Variants in CAD observed in about 807,000 individuals in gnomAD.
CAD encodes multifunctional protein CAD.
In CAD, 81 loss-of-function variants were observed where a neutral mutation model predicts 237.2. The ratio of observed to expected loss-of-function variants is 0.34; its 90% CI spans 0.29 to 0.41. The LOEUF is 0.41. Ranked by LOEUF, CAD falls within the 10% of genes least tolerant of loss-of-function variation. CAD has a pLI of 1.00. For synonymous variants in CAD, 1,196 were observed against 1,162.8 expected (o/e 1.03, Z -0.58); for missense variants, 2,181 against 2,951.7 (o/e 0.74, Z 6.05).
In CAD at chr2:27,243,888, C is replaced by T. The variant is rs1249006833; in HGVS notation, c.*370C>T. On this transcript the variant is annotated 3_prime_UTR_variant, in exon 44 of 44. Transcript: ENST00000264705. ...CAGGGCTCTGGCTAGGGCTGCGTGC[C>T]CACACTCGGCATTTTCACACTCGTG... 1.9e-5 allele frequency: 4 copies of T among 211,362 alleles called. No homozygotes were observed. Among genetic ancestry groups the T allele is most frequent in the African/African-American group, 9.2e-5 (4 of 43,280 alleles). The allele number at this position is 211,362 out of a possible 1,614,324, so 13.1% of individuals were successfully genotyped here.
Position 27,226,316 on chromosome 2 carries a change from G to A in CAD, c.2028G>A (p.Glu676=). ...NVQYALNPES[E]QYYIIEVNAR... is the part of the protein sequence containing the mutation. ...AGTATGCCTTGAACCCTGAGTCTGA[G>A]CAGGTAAGCTCTAGGCCCTGGAACT... Residue 676 remains glutamate, a synonymous_variant, in exon 13 of 44, where the codon GAG becomes GAA. Transcript: ENST00000264705. 6.2e-7 allele frequency: 1 copy of A among 1,614,026 alleles called. No individual in the cohort carries two copies. Among genetic ancestry groups the A allele is most frequent in the Admixed American group, 1.7e-5 (1 of 60,024 alleles).
At position 27,226,654 on chromosome 2, in the gene CAD, G is replaced by A. The variant is rs769966773; in HGVS notation, c.2156+5G>A. 1.7e-5 allele frequency: 27 copies of A among 1,613,834 alleles called. No individual in the cohort carries two copies. Among genetic ancestry groups the A allele is most frequent in the Admixed American group, 3.3e-5 (2 of 59,994 alleles). On this transcript the variant is annotated splice_donor_5th_base_variant and intron_variant, in intron 14 of 43. Transcript: ENST00000264705. ...CATCCCTTTGCCTGAGCTCAGGTAC[G>A]AGGATGAGGGAGATATCACAGTGGG...
rs750121186 is a variant in CAD at position 27,242,504 on chromosome 2, C to T, written c.6222+77C>T. 8.9e-6 allele frequency: 14 copies of T among 1,576,674 alleles called. No homozygotes were observed. Among genetic ancestry groups the T allele is most frequent in the East Asian group, 2.3e-5 (1 of 44,404 alleles). The stretch of plus-strand genomic sequence containing the variant: ...GAGGCAGGAAGTGGTTACCCCGGTA[C>T]AGGACAGCTGCATCAAGGAGGCCTT... On this transcript the variant is annotated intron_variant, in intron 40 of 43. Coordinates refer to ENST00000264705, the MANE Select transcript of CAD (RefSeq NM_004341.5). This position sits in a 1 kb window ranked among gnomAD's most constrained non-coding sequence, Gnocchi z 6.4.
In CAD at chr2:27,223,482, G is replaced by C. The variant is rs959976262; in HGVS notation, c.810-81G>C. ...ACAGGAGTGAGGCTACTGAGAACAG[G>C]AGATCGGTGAGAGCTGGGGTAGGTT... On this transcript the variant is annotated intron_variant, in intron 6 of 43. Transcript: ENST00000264705. 37 of 1,238,656 alleles carry C rather than the reference G, an allele frequency of 3.0e-5. 1 individual carries two copies. In the Admixed American group the frequency reaches 5.5e-4, roughly 18 times the overall value. 76.7% of individuals were successfully genotyped at this position (1,238,656 alleles called of 1,614,324 possible). A position where few individuals can be genotyped will look rare whatever the true frequency, so the allele number is the denominator to read the frequency against.
Position 27,237,537 on chromosome 2 carries a change from G to A in CAD, c.4555G>A (p.Ala1519Thr). Reference sequence around the variant, plus strand: ...CATTGACGCCCCTGCTCTGGCCCTGGCCCAGAAGGTGAGCCACTGCACTCT... The same window carrying A: ...CATTGACGCCCCTGCTCTGGCCCTGACCCAGAAGGTGAGCCACTGCACTCT... ...PIIDAPALAL[A>T]QKLAEAGARC... Residue 1519 changes from alanine (A) to threonine (T), a missense_variant, in exon 28 of 44, where the codon GCC (alanine) becomes ACC (threonine). Coordinates refer to ENST00000264705, the MANE Select transcript of CAD (RefSeq NM_004341.5). This position sits in a 1 kb window ranked among gnomAD's most constrained non-coding sequence, Gnocchi z 4.0. The A allele has an allele frequency of 5.0e-6, 8 of 1,612,830 alleles. No homozygotes were observed. Among genetic ancestry groups the A allele is most frequent in the Non-Finnish European group, 6.8e-6 (8 of 1,179,466 alleles).
rs760424499 is a variant in CAD at position 27,231,966 on chromosome 2, C to G, written c.2401-14C>G. On this transcript the variant is annotated splice_polypyrimidine_tract_variant and intron_variant, in intron 16 of 43. Transcript: ENST00000264705. The stretch of plus-strand genomic sequence containing the variant: ...CTGGCAGTAGCTTCCGTCTGTCTAC[C>G]CCCTTTCTATCAGGAGTTGGAGACT... 4 of 1,613,950 alleles carry G rather than the reference C, an allele frequency of 2.5e-6. No individual in the cohort carries two copies. The highest frequency in any genetic ancestry group is 1.1e-5 in the South Asian group (1 of 91,052).
chr2:27,228,020 A>T (rs990361173), intron 15 of CAD, among the ~76,000 whole-genome samples: 5 of 152,276 alleles, frequency 3.3e-5, no homozygotes, highest in Non-Finnish European at 7.3e-5. Flanking sequence ...AAAGTCTTAC[A>T]ACCACAGTTA....
chr2:27,223,655 C>T lies in CAD; in HGVS notation c.902C>T (p.Thr301Ile). 6.2e-7 allele frequency: 1 copy of T among 1,614,146 alleles called. No individual in the cohort carries two copies. The highest frequency in any genetic ancestry group is 1.3e-5 in the African/African-American group (1 of 75,044). Residue 301 changes from threonine (T) to isoleucine (I), a missense_variant, in exon 7 of 44, where the codon ACA (threonine) becomes ATA (isoleucine). Thr to Ile is a moderately conservative substitution (Grantham distance 89, BLOSUM62 -1). Coordinates refer to ENST00000264705, the MANE Select transcript of CAD (RefSeq NM_004341.5). ...TSQNHGFAVE[T>I]DSLPADWAPL... ...CAGAACCATGGGTTTGCTGTGGAGACAGACTCACTGCCAGCAGACTGGGCT... is the reference window on the plus strand; with the variant it reads ...CAGAACCATGGGTTTGCTGTGGAGATAGACTCACTGCCAGCAGACTGGGCT...
rs542528785 is a variant in CAD at position 27,227,725 on chromosome 2, A to G, written c.2287+763A>G. On this transcript the variant is annotated intron_variant, in intron 15 of 43. Transcript: ENST00000264705. ...TGAAAGATTGGTTCCTAGATGAGAC[A>G]TTTAATTGTTTTACATCTGTTCAAG... is the stretch of plus-strand genomic sequence containing the variant. Among the ~76,000 whole-genome samples the G allele has an allele frequency of 2.0e-5, 3 of 152,354 alleles. No homozygotes were observed. In the East Asian group the frequency reaches 5.8e-4, roughly 29 times the overall value.
At chr2:27,226,767 A>G in intron 14 of CAD, 65 bp from the exon 15 acceptor site, 1 of 1,604,836 alleles carries the variant, frequency 6.2e-7, no homozygotes, top group Non-Finnish European at 8.5e-7. Flanking sequence ...GGAAAGAGCT[A>G]TCCGGAAGCT....
intron 2 of CAD, 78 bp downstream of exon 2, chr2:27,218,094 A>C (rs1400674695): frequency 3.8e-6 from 5 of 1,323,728 alleles, no homozygotes; most frequent in Non-Finnish European, 5.2e-6. Context: ...GGAGACGTTG[A>C]CACCCTGCTG....
chr2:27,238,007 C>G (rs749423132), intron 29 of CAD, 49 bp from the exon 30 acceptor site: 1 of 1,605,772 alleles, frequency 6.2e-7, no homozygotes, highest in South Asian at 1.1e-5. Flanking sequence ...CTCTGATGAG[C>G]ACAGTCAGAG....
intron 22 of CAD, 131 bp downstream of exon 22, chr2:27,234,357 G>GT: frequency 8.8e-7 from 1 of 1,133,852 alleles, no homozygotes; most frequent in African/African-American, 1.5e-5. Context: ...GGAAAGGGCT[G>GT]TAGCTAGAGC....
intron 31 of CAD, among the ~76,000 whole-genome samples, 172 bp downstream of exon 31, chr2:27,238,804 G>C (rs557444838): frequency 2.7e-4 from 41 of 152,198 alleles, no homozygotes; most frequent in Non-Finnish European, 5.0e-4. Context: ...ATAAATACTT[G>C]TTGAAAGAAT....
At position 27,233,620 on chromosome 2, in the gene CAD, C is replaced by A; in HGVS notation, c.3217-6C>A. 1 of 1,614,124 alleles carries A rather than the reference C, an allele frequency of 6.2e-7. No individual in the cohort carries two copies. Among genetic ancestry groups the A allele is most frequent in the South Asian group, 1.1e-5 (1 of 91,082 alleles). ...ACAACTCAGCTAAGCTCCCTGCCTC[C>A]TGTAGTCTGCTCGCCAATTCTGCCA... On this transcript the variant is annotated splice_polypyrimidine_tract_variant and splice_region_variant and intron_variant, in intron 20 of 43. Transcript: ENST00000264705. This position sits in a 1 kb window ranked among gnomAD's most constrained non-coding sequence, Gnocchi z 6.3.
At position 27,232,578 on chromosome 2, in the gene CAD, C is replaced by T; in HGVS notation, c.2776C>T (p.His926Tyr). 1 of 1,614,230 alleles carries T rather than the reference C, an allele frequency of 6.2e-7. No individual in the cohort carries two copies. Among genetic ancestry groups the T allele is most frequent in the Non-Finnish European group, 8.5e-7 (1 of 1,180,040 alleles). ...ATACCTAACGTATTGGGGCACCACC[C>T]ATGACCTCACCTTTCGAACACCTCA... ...YLYLTYWGTT[H>Y]DLTFRTPHVL... Residue 926 changes from histidine to tyrosine, a missense_variant, in exon 18 of 44, where the codon CAT (histidine) becomes TAT (tyrosine). By Grantham distance (83) the His-to-Tyr change is moderately conservative. Around this residue, in one of 12 missense-constraint regions of CAD, gnomAD observed 385 missense variants for 535.1 expected, o/e 0.72. Coordinates refer to ENST00000264705, the MANE Select transcript of CAD (RefSeq NM_004341.5). The surrounding 1 kb of genome is among the most constrained non-coding windows in gnomAD (Gnocchi z 4.1).
chr2:27,227,093 T>TA, intron 15 of CAD, 131 bp downstream of exon 15: 1 of 761,384 alleles, frequency 1.3e-6, no homozygotes. Context: ...ACTAAGATTA[T>TA]AGTCCTTGTC....
intron 2 of CAD, 90 bp from the exon 3 acceptor site, chr2:27,221,128 T>C: frequency 8.6e-7 from 1 of 1,162,760 alleles, no homozygotes; most frequent in Non-Finnish European, 1.2e-6. Context: ...TCAATGTGGC[T>C]GAATATAGGG....
In CAD at chr2:27,236,750, C is replaced by T; in HGVS notation, c.4316C>T (p.Ala1439Val). ...DIKCTKLFVE[A>V]LGQIGPAPPL... ...AAGCTGACTGCTTTCCACTTGCAGG[C>T]CCTAGGCCAGATCGGGCCAGCCCCT... is the stretch of plus-strand genomic sequence containing the variant. Residue 1439 changes from alanine to valine, a missense_variant and splice_region_variant, in exon 27 of 44, where the codon GCC becomes GTC. This residue lies in a region of CAD where 306 missense variants were observed against 607.9 expected (regional missense o/e 0.50). Transcript: ENST00000264705. The surrounding 1 kb of genome is among the most constrained non-coding windows in gnomAD (Gnocchi z 4.1). 6.2e-7 allele frequency: 1 copy of T among 1,614,054 alleles called. No homozygotes were observed. The highest frequency in any genetic ancestry group is 8.5e-7 in the Non-Finnish European group (1 of 1,179,924).
Sources: gnomAD v4.1 joint callset for allele counts (sites outside exome capture counted in the v4.1 genomes callset) on GRCh38, gnomAD v4.1.1 for gene constraint, gnomAD v4.1.1 regional missense constraint, Gnocchi (gnomAD v3.1) non-coding constraint, MANE v1.5 for transcripts, NCBI Gene and HGNC (gene_info 2026-07-23, HGNC 2026-07-21) for gene names.